The following MACF1 variants were observed in gnomAD, a reference collection of about 807,000 sequenced individuals.
MACF1 encodes microtubule-actin cross-linking factor 1.
In MACF1, 193 loss-of-function variants were observed where a neutral mutation model predicts 854.8. The observed-to-expected ratio is 0.23, with a 90% CI of 0.20 to 0.25. MACF1 has a LOEUF of 0.25. MACF1 is among the 10% of genes least tolerant of loss of function. The pLI is 1.00. For synonymous variants in MACF1, 3,185 were observed against 3,226.7 expected (o/e 0.99, Z 0.44); for missense variants, 7,722 against 8,929.1 (o/e 0.86, Z 5.45).
Position 39,192,627 on chromosome 1 carries a change from G to T in MACF1, c.221-38555G>T, listed in dbSNP as rs116221425. ...ATTTCATCAGAATAAAAGCAACACAGTTTTCTTTGTTGTTTAAAAACTTAG... is the reference window on the plus strand; with the variant it reads ...ATTTCATCAGAATAAAAGCAACACATTTTTCTTTGTTGTTTAAAAACTTAG... On this transcript the variant is annotated intron_variant, in intron 2 of 93. Transcript: ENST00000361689. 4.7e-3 allele frequency among the ~76,000 whole-genome samples: 723 copies of T among 152,260 alleles called. 5 individuals are homozygous for T. Among genetic ancestry groups the T allele is most frequent in the African/African-American group, 0.017 (689 of 41,548 alleles).
At chr1:39,318,234 G>A (rs1057457005) in intron 29 of MACF1, among the ~76,000 whole-genome samples, 1 of 152,112 alleles carries the variant, frequency 6.6e-6, no homozygotes, top group Non-Finnish European at 1.5e-5. Context: ...AGCATCCAGG[G>A]CTAGCAGGTC....
chr1:39,478,455 G>A (rs1557675954), intron 97 of MACF1, among the ~76,000 whole-genome samples: 1 of 152,166 alleles, frequency 6.6e-6, no homozygotes, highest in Non-Finnish European at 1.5e-5. Flanking sequence ...TGAGCCTGAG[G>A]AAACTGAGGC....
At position 39,409,053 on chromosome 1, in the gene MACF1, A is replaced by G. The variant is rs1427996533; in HGVS notation, c.15817-13321A>G. On this transcript the variant is annotated intron_variant, in intron 58 of 100. Transcript: ENST00000564288. The surrounding 1 kb of genome is among the most constrained non-coding windows in gnomAD (Gnocchi z 4.2). ...CAGCGCGGCGGCGCGGGGAAGGGGG[A>G]GGAGAGCCGCCCGCCAGCCGAGCAC... 2.7e-5 allele frequency among the ~76,000 whole-genome samples: 4 copies of G among 147,896 alleles called. No individual in the cohort carries two copies. The East Asian group carries it at 6.3e-4, about 23-fold the overall frequency.
At chr1:39,291,556 G>T (rs1160591162) in intron 15 of MACF1, among the ~76,000 whole-genome samples, 1 of 152,184 alleles carries the variant, frequency 6.6e-6, no homozygotes, top group Non-Finnish European at 1.5e-5. Flanking sequence ...TGTTATATCA[G>T]TTATGATTGT....
At chr1:39,418,903 A>G (rs1233707620) in intron 58 of MACF1, among the ~76,000 whole-genome samples, 1 of 152,080 alleles carries the variant, frequency 6.6e-6, no homozygotes, top group East Asian at 1.9e-4. Context: ...AAGTGTTTTA[A>G]GGAGTTCTTT....
chr1:39,353,269 T>C (rs1332715377), intron 44 of MACF1, 38 bp downstream of exon 44: 1 of 1,511,816 alleles, frequency 6.6e-7, no homozygotes, highest in South Asian at 1.2e-5. Flanking sequence ...GCTAGAGAAA[T>C]CTCTCCTGCC....
In MACF1 at chr1:39,455,086, G is replaced by T. The variant is rs142006710; in HGVS notation, c.21064G>T (p.Ala7022Ser). Residue 7022 changes from alanine to serine, a missense_variant, in exon 89 of 101, where the codon GCT becomes TCT. Around this residue, in one of 15 missense-constraint regions of MACF1, gnomAD observed 729 missense variants for 900.5 expected, o/e 0.81. Coordinates refer to ENST00000564288, the MANE Select transcript of MACF1 (RefSeq NM_001394062.1). ...QNIDRVKALI[A>S]EHQTFMEEMT... Reference sequence around the variant, plus strand: ...CATTGACCGAGTTAAAGCCCTTATCGCTGAGCATCAGGTATCTTAACCTCA... The same window carrying T: ...CATTGACCGAGTTAAAGCCCTTATCTCTGAGCATCAGGTATCTTAACCTCA... 6.2e-7 allele frequency: 1 copy of T among 1,613,816 alleles called. No homozygotes were observed. The highest frequency in any genetic ancestry group is 2.2e-5 in the East Asian group (1 of 44,882).
chr1:39,346,541 ATGGAG>A (rs1647051756), intron 40 of MACF1, among the ~76,000 whole-genome samples: 1 of 138,940 alleles, frequency 7.2e-6, no homozygotes, highest in African/African-American at 2.7e-5. Context: ...TTTTTTTGAG[ATGGAG>A]TCTCGCTCTG....
chr1:39,316,488 G>A lies in MACF1; in HGVS notation c.3547G>A (p.Ala1183Thr), dbSNP rs1448501685. 1 of 1,613,850 alleles carries A rather than the reference G, an allele frequency of 6.2e-7. No homozygotes were observed. The highest frequency in any genetic ancestry group is 1.7e-5 in the Admixed American group (1 of 59,984). The change falls in exon 28 of 101, where the codon GCA becomes ACA. Residue 1183 changes from alanine to threonine, a missense_variant. Physicochemically the swap from Ala to Thr is moderately conservative, Grantham distance 58 (BLOSUM62 0). Coordinates refer to ENST00000564288, the MANE Select transcript of MACF1 (RefSeq NM_001394062.1). The stretch of plus-strand genomic sequence containing the variant: ...GCTGAGTCAAGAAGAAGTAGTACTG[G>A]CAGATCTCTCAGCTCTGGAGGCCCA... ...IKLSQEEVVL[A>T]DLSALEAHWS...
rs534764747 is a variant in MACF1 at position 39,383,687 on chromosome 1, C to G, written c.13848+1535C>G. Among the ~76,000 whole-genome samples, 3 of 152,264 alleles carry G rather than the reference C, an allele frequency of 2.0e-5. No homozygotes were observed. In the East Asian group the frequency reaches 5.8e-4, roughly 29 times the overall value. ...GGTCAGGAGATCGAGACCATCCTGG[C>G]TTGCACAGTGAAACCCTGTTTCTAC... On this transcript the variant is annotated intron_variant, in intron 56 of 100. Coordinates refer to ENST00000564288, the MANE Select transcript of MACF1 (RefSeq NM_001394062.1).
chr1:39,322,198 G>A (rs927981431), intron 31 of MACF1, among the ~76,000 whole-genome samples: 1 of 152,174 alleles, frequency 6.6e-6, no homozygotes, highest in South Asian at 2.1e-4. Context: ...GAGATGAAAG[G>A]GTTGGTCAGA....
chr1:39,340,916 A>G lies in MACF1; in HGVS notation c.10544A>G (p.Asp3515Gly), dbSNP rs777888292. ...AGCAAGGGATCTAACAGTGAAATAG[A>G]TGTTGACAGCCTGAACCTCTGCCTC... ...LNSKGSNSEIDVDSLNLCLQQ... is the reference protein window; with the variant it reads ...LNSKGSNSEIGVDSLNLCLQQ... Residue 3515 changes from aspartate (D) to glycine (G), a missense_variant, in exon 40 of 101, where the codon GAT becomes GGT. Asp to Gly is a moderately conservative substitution (Grantham distance 94, BLOSUM62 -1). Coordinates refer to ENST00000564288, the MANE Select transcript of MACF1 (RefSeq NM_001394062.1). The G allele has an allele frequency of 3.1e-6, 5 of 1,613,162 alleles. No homozygotes were observed. In the Admixed American group the frequency reaches 6.7e-5, roughly 22 times the overall value.
intron 2 of MACF1, among the ~76,000 whole-genome samples, chr1:39,147,268 CTCT>C (rs1643487858): frequency 6.7e-6 from 1 of 150,058 alleles, no homozygotes; most frequent in East Asian, 2.0e-4. Flanking sequence ...TTCCTTCCTT[CTCT>C]TTTCTTTTTC....
chr1:39,275,889 A>G (rs1480301779), intron 6 of MACF1, among the ~76,000 whole-genome samples: 1 of 149,378 alleles, frequency 6.7e-6, no homozygotes, highest in African/African-American at 2.5e-5. Flanking sequence ...CATTTGTAGA[A>G]CCACTGCATT....
intron 2 of MACF1, among the ~76,000 whole-genome samples, chr1:39,173,850 AGTCT>A (rs1643987380): frequency 1.3e-5 from 2 of 152,200 alleles, no homozygotes; most frequent in Admixed American, 1.3e-4. Flanking sequence ...AAGAATAACT[AGTCT>A]GTCTGTGGAA....
intron 1 of MACF1, among the ~76,000 whole-genome samples, chr1:39,228,139 T>C (rs945691027): frequency 1.3e-5 from 2 of 152,118 alleles, no homozygotes; most frequent in African/African-American, 2.4e-5. Flanking sequence ...GGTGAAACCC[T>C]GTCTCTACTA....
chr1:39,093,494 T>TTC lies in MACF1; in HGVS notation c.220+9057_220+9058insCT, dbSNP rs1423346648. 2.7e-5 allele frequency among the ~76,000 whole-genome samples: 4 copies of TTC among 145,612 alleles called. No individual in the cohort carries two copies. In the East Asian group the frequency reaches 8.2e-4, roughly 30 times the overall value. ...CCACGCCTGGCTAATTTTTTTTTTT[T>TTC]TTTTTTTTTTGAGACGGAGTCTTGC... On this transcript the variant is annotated intron_variant, in intron 2 of 93. Coordinates refer to the MACF1 transcript ENST00000361689.
chr1:39,135,207 CTAA>C (rs1253498368), intron 2 of MACF1, among the ~76,000 whole-genome samples: 1 of 152,104 alleles, frequency 6.6e-6, no homozygotes, highest in Non-Finnish European at 1.5e-5. Context: ...ACTTGGCTTG[CTAA>C]TAATATGATT....
At chr1:39,159,255 G>A (rs1297283374) in intron 2 of MACF1, among the ~76,000 whole-genome samples, 1 of 152,250 alleles carries the variant, frequency 6.6e-6, no homozygotes, top group African/African-American at 2.4e-5. Flanking sequence ...GAACGGACAA[G>A]TAAGAAATGT....
Sources: allele counts gnomAD v4.1 joint callset (sites outside exome capture counted in the v4.1 genomes callset), GRCh38; gene constraint gnomAD v4.1.1; regional missense constraint gnomAD v4.1.1; non-coding constraint Gnocchi (gnomAD v3.1); transcripts MANE v1.5; gene names NCBI Gene and HGNC (gene_info 2026-07-23, HGNC 2026-07-21).